The following NELL2 variants were observed in gnomAD, a reference collection of about 807,000 sequenced individuals.
NELL2 encodes the protein neural EGFL like 2.
In NELL2, 41 loss-of-function variants were observed where a neutral mutation model predicts 109.6. The ratio of observed to expected loss-of-function variants is 0.37; its 90% confidence interval spans 0.29 to 0.49. NELL2 has a LOEUF of 0.49. Among genes scored for constraint, NELL2 ranks in the 20% least tolerant of loss-of-function variants. NELL2 has a pLI of 0.98. For missense variants in NELL2, 900 were observed against 1,008.3 expected (o/e 0.89, Z 1.45); for synonymous variants, 355 against 344.7 (o/e 1.03, Z -0.33).
At chr12:44,664,946 A>T (rs1947872362) in intron 13 of NELL2, among the ~76,000 whole-genome samples, 1 of 152,098 alleles carries the variant, frequency 6.6e-6, no homozygotes, top group South Asian at 2.1e-4. Context: ...CTACTAACAC[A>T]ATATCCCTAA....
intron 2 of NELL2, among the ~76,000 whole-genome samples, chr12:44,830,602 T>C (rs1943855633): frequency 6.6e-6 from 1 of 152,174 alleles, no homozygotes; most frequent in Non-Finnish European, 1.5e-5. Flanking sequence ...TCCCTGTCCT[T>C]GTTTCCACAG....
chr12:44,534,660 T>C (rs1449796479), intron 15 of NELL2, among the ~76,000 whole-genome samples: 2 of 152,294 alleles, frequency 1.3e-5, no homozygotes, highest in Non-Finnish European at 2.9e-5. Flanking sequence ...AGAGAATTGA[T>C]TATGTCATTT....
At chr12:44,832,105 T>C (rs1445942555) in intron 2 of NELL2, among the ~76,000 whole-genome samples, 1 of 152,156 alleles carries the variant, frequency 6.6e-6, no homozygotes, top group Non-Finnish European at 1.5e-5. Context: ...TATTGCTTTT[T>C]TTCTTTTCTA....
intron 15 of NELL2, among the ~76,000 whole-genome samples, chr12:44,587,284 A>AAAAAAAAAAAATAT: frequency 2.1e-4 from 15 of 72,208 alleles, no homozygotes; most frequent in African/African-American, 3.5e-4. Context: ...AAAAAAAAAA[A>AAAAAAAAAAAATAT]ATATATATAT....
chr12:44,562,247 T>C (rs1162430153), intron 15 of NELL2, among the ~76,000 whole-genome samples: 4 of 152,198 alleles, frequency 2.6e-5, no homozygotes, highest in South Asian at 2.1e-4. Context: ...ATTCAGGACA[T>C]AGGCATGGGC....
intron 3 of NELL2, among the ~76,000 whole-genome samples, chr12:44,784,802 G>T (rs1323236897): frequency 2.6e-5 from 4 of 152,166 alleles, no homozygotes; most frequent in African/African-American, 4.8e-5. Flanking sequence ...CTCAATAGAT[G>T]CAGAAAAGGG....
At chr12:44,726,125 T>C (rs1286976584) in intron 9 of NELL2, among the ~76,000 whole-genome samples, 1 of 151,856 alleles carries the variant, frequency 6.6e-6, no homozygotes, top group African/African-American at 2.4e-5. Context: ...CAATAAATAA[T>C]TTAAAAAAAT....
chr12:44,711,318 G>C lies in NELL2; in HGVS notation c.1163C>G (p.Ser388Cys), dbSNP rs771327457. The change falls in exon 11 of 20, where the codon TCT (serine) becomes TGT (cysteine). Residue 388 changes from serine (S) to cysteine (C), a missense_variant. Coordinates refer to ENST00000429094, the MANE Select transcript of NELL2 (RefSeq NM_001145108.2). Reference sequence around the variant, plus strand: ...TTTACAAACTTTGCAACAGCTGTGAGACAAGGTTATCTGATGAGACTCTGG... The same window carrying C: ...TTTACAAACTTTGCAACAGCTGTGACACAAGGTTATCTGATGAGACTCTGG... ...DCPESHQITL[S>C]HSCCKVCKGY... 1.2e-6 allele frequency: 2 copies of C among 1,612,514 alleles called. No individual in the cohort carries two copies. The highest frequency in any genetic ancestry group is 8.5e-7 in the Non-Finnish European group (1 of 1,178,882).
chr12:44,665,770 A>C (rs1947905974), intron 12 of NELL2, among the ~76,000 whole-genome samples, 161 bp from the exon 13 acceptor site: 1 of 152,246 alleles, frequency 6.6e-6, no homozygotes, highest in South Asian at 2.1e-4. Context: ...TGTTCAAATG[A>C]CAAAAATCAT....
intron 1 of NELL2, among the ~76,000 whole-genome samples, chr12:44,898,332 G>T (rs944796002): frequency 6.6e-6 from 1 of 152,152 alleles, no homozygotes; most frequent in African/African-American, 2.4e-5. Context: ...AGCAGGGGTC[G>T]ACAGACATGT....
chr12:44,764,106 T>C (rs1941234129), intron 9 of NELL2, among the ~76,000 whole-genome samples: 1 of 152,104 alleles, frequency 6.6e-6, no homozygotes, highest in African/African-American at 2.4e-5. Context: ...TAAAGAAAAG[T>C]TTTTCAAAAA....
intron 15 of NELL2, among the ~76,000 whole-genome samples, chr12:44,553,408 G>C (rs538149890): frequency 1.3e-5 from 2 of 152,074 alleles, no homozygotes; most frequent in South Asian, 4.1e-4. Context: ...ACTGCTATTT[G>C]GCTTCATATC....
intron 12 of NELL2, among the ~76,000 whole-genome samples, chr12:44,699,033 G>T (rs761532451): frequency 6.6e-6 from 1 of 152,084 alleles, no homozygotes; most frequent in Non-Finnish European, 1.5e-5. Context: ...GGAATGTGAG[G>T]ATAGAAGATA....
intron 13 of NELL2, among the ~76,000 whole-genome samples, chr12:44,656,362 G>A (rs574280534): frequency 1.3e-5 from 2 of 152,224 alleles, no homozygotes; most frequent in Non-Finnish European, 2.9e-5. Flanking sequence ...AAGTACAGTC[G>A]AATAAACAAT....
chr12:44,521,928 G>T, intron 18 of NELL2, 72 bp downstream of exon 18: 1 of 1,488,938 alleles, frequency 6.7e-7, no homozygotes, highest in South Asian at 1.2e-5. Flanking sequence ...TGGCAGATGG[G>T]GAGGACGAGG....
chr12:44,729,438 G>C (rs1021696053), intron 9 of NELL2, among the ~76,000 whole-genome samples: 1 of 151,702 alleles, frequency 6.6e-6, no homozygotes, highest in Admixed American at 6.6e-5. Context: ...AGGAGAAAAA[G>C]CAGGATAAGA....
At chr12:44,644,679 AC>A (rs968106033) in intron 13 of NELL2, among the ~76,000 whole-genome samples, 1 of 144,610 alleles carries the variant, frequency 6.9e-6, no homozygotes, top group Admixed American at 7.1e-5. Flanking sequence ...TACTCACTAT[AC>A]CTTTTTTTTA....
intron 9 of NELL2, among the ~76,000 whole-genome samples, chr12:44,748,292 A>G (rs1430909433): frequency 2.6e-5 from 4 of 152,194 alleles, no homozygotes; most frequent in Non-Finnish European, 5.9e-5. Context: ...GTACTCAACA[A>G]CAACAACAAA....
intron 9 of NELL2, 68 bp downstream of exon 9, chr12:44,774,679 G>A: frequency 8.0e-7 from 1 of 1,253,852 alleles, no homozygotes; most frequent in Admixed American, 1.7e-5. Flanking sequence ...ACCAATGATG[G>A]GTGAATACTT....
Sources: allele counts gnomAD v4.1 joint callset (sites outside exome capture counted in the v4.1 genomes callset), GRCh38; gene constraint gnomAD v4.1.1; transcripts MANE v1.5; gene names NCBI Gene and HGNC (gene_info 2026-07-23, HGNC 2026-07-21).